NALCN: variants seen among roughly 807,000 people sequenced by gnomAD.
NALCN encodes sodium leak channel NALCN.
In NALCN, 111 loss-of-function variants were observed where a neutral mutation model predicts 225.3. The ratio of observed to expected loss-of-function variants is 0.49; its 90% CI spans 0.42 to 0.58. The LOEUF is 0.58. Among genes scored for constraint, NALCN ranks in the 20% least tolerant of loss-of-function variants. NALCN has a pLI of 0.00. For missense variants in NALCN, 1,378 were observed against 2,202.4 expected (o/e 0.63, Z 7.49); for synonymous variants, 764 against 769.0 (o/e 0.99, Z 0.11).
chr13:101,282,333 A>G (rs764568720), intron 10 of NALCN, among the ~76,000 whole-genome samples: 58 of 152,148 alleles, frequency 3.8e-4, no homozygotes, highest in Non-Finnish European at 7.1e-4. Flanking sequence ...CATAATAAAG[A>G]AAAAAATCCT....
Position 101,341,194 on chromosome 13 carries a change from C to T in NALCN, c.799+4072G>A, listed in dbSNP as rs1181597541. ...GCTTTGTTCTTAAAACAAATAGATA[C>T]TAGAGACTAGCTCATGATAAGAAAT... On this transcript the variant is annotated intron_variant, in intron 7 of 43. Coordinates refer to ENST00000251127, the MANE Select transcript of NALCN (RefSeq NM_052867.4). 2.6e-5 allele frequency among the ~76,000 whole-genome samples: 4 copies of T among 152,220 alleles called. No individual in the cohort carries two copies. The East Asian group carries it at 7.7e-4, about 29-fold the overall frequency.
At chr13:101,149,394 C>T (rs2037525330) in intron 15 of NALCN, among the ~76,000 whole-genome samples, 1 of 152,106 alleles carries the variant, frequency 6.6e-6, no homozygotes, top group Admixed American at 6.5e-5. Context: ...AGGATACCAA[C>T]AGTCACCTTG....
At chr13:101,257,209 G>GTTTTTT (rs34334262) in intron 11 of NALCN, among the ~76,000 whole-genome samples, 66 of 121,038 alleles carry the variant, frequency 5.5e-4, no homozygotes, top group East Asian at 9.9e-4. Flanking sequence ...ATTGTTTATT[G>GTTTTTT]TTTTTTTTTT....
chr13:101,183,595 G>T (rs2039329407), intron 14 of NALCN, among the ~76,000 whole-genome samples: 1 of 152,032 alleles, frequency 6.6e-6, no homozygotes, highest in Admixed American at 6.6e-5. Context: ...AAGTAGCTGG[G>T]ATTTTAGGTG....
At chr13:101,278,522 CAAAAAAAAA>C (rs3061766) in intron 10 of NALCN, among the ~76,000 whole-genome samples, 1 of 87,476 alleles carries the variant, frequency 1.1e-5, no homozygotes, top group Non-Finnish European at 2.1e-5. Flanking sequence ...GACTCTGTCT[CAAAAAAAAA>C]AAAAAAAAAA....
chr13:101,115,524 A>T (rs977138983), intron 18 of NALCN, among the ~76,000 whole-genome samples: 2 of 152,226 alleles, frequency 1.3e-5, no homozygotes, highest in African/African-American at 4.8e-5. Flanking sequence ...TTTATATAAG[A>T]AATGAGATGC....
Position 101,089,991 on chromosome 13 carries a change from C to A in NALCN, c.3270-25G>T. The A allele has an allele frequency of 1.2e-6, 2 of 1,613,212 alleles. No individual in the cohort carries two copies. Among genetic ancestry groups the A allele is most frequent in the South Asian group, 1.1e-5 (1 of 90,908 alleles). ...CCTGCGATTCCAATACAGGAATGTTCTGTGAAATTCCAATAAGCAGCACCC... is the reference window on the plus strand; with the variant it reads ...CCTGCGATTCCAATACAGGAATGTTATGTGAAATTCCAATAAGCAGCACCC... On this transcript the variant is annotated intron_variant, in intron 28 of 43. Coordinates refer to ENST00000251127, the MANE Select transcript of NALCN (RefSeq NM_052867.4). The surrounding 1 kb of genome is among the most constrained non-coding windows in gnomAD (Gnocchi z 4.7).
chr13:101,281,211 G>A (rs145070455), intron 10 of NALCN, among the ~76,000 whole-genome samples: 44 of 152,100 alleles, frequency 2.9e-4, no homozygotes, highest in African/African-American at 8.7e-4. Flanking sequence ...CTCTCAAAGC[G>A]GACCCCAATT....
intron 7 of NALCN, among the ~76,000 whole-genome samples, chr13:101,297,344 A>C (rs1178831107): frequency 6.6e-6 from 1 of 152,244 alleles, no homozygotes; most frequent in South Asian, 2.1e-4. Flanking sequence ...AGACAGTGGA[A>C]TAAGAATGAG....
rs1251421311 is a variant in NALCN at position 101,059,741 on chromosome 13, C to T, written c.4905+77G>A. ...CACCTTGTTTGAATGATCTGACCAG[C>T]ACCCATTTTATTTATTTTTATTAAA... On this transcript the variant is annotated intron_variant, in intron 42 of 43. Transcript: ENST00000251127. The T allele has an allele frequency of 3.1e-5, 42 of 1,339,364 alleles. No individual in the cohort carries two copies. The East Asian group carries it at 8.2e-4, about 26-fold the overall frequency. 83.0% of individuals were successfully genotyped at this position (1,339,364 alleles called of 1,614,324 possible). A position where few individuals can be genotyped will look rare whatever the true frequency, so the allele number is the denominator to read the frequency against.
At position 101,242,683 on chromosome 13, in the gene NALCN, T is replaced by G. The variant is rs567213860; in HGVS notation, c.1267-4761A>C. Among the ~76,000 whole-genome samples the G allele has an allele frequency of 3.1e-4, 33 of 107,548 alleles. 13 individuals are homozygous for G. The Middle Eastern group carries it at 0.017, about 55-fold the overall frequency. 70.6% of individuals were successfully genotyped at this position (107,548 alleles called of 152,430 possible). A position where few individuals can be genotyped will look rare whatever the true frequency, so the allele number is the denominator to read the frequency against. On this transcript the variant is annotated intron_variant, in intron 11 of 43. Transcript: ENST00000251127. ...ATCAATTCTCTCTTCTTTTGTCTAGTCATTGAGATTGCAATTTACTTATCT... is the reference window on the plus strand; with the variant it reads ...ATCAATTCTCTCTTCTTTTGTCTAGGCATTGAGATTGCAATTTACTTATCT...
chr13:101,252,582 G>C (rs1337939649), intron 11 of NALCN, among the ~76,000 whole-genome samples: 2 of 152,126 alleles, frequency 1.3e-5, no homozygotes, highest in African/African-American at 4.8e-5. Context: ...CTGGGTAGGA[G>C]GGATAGACAG....
chr13:101,342,180 A>G (rs1046055380), intron 7 of NALCN, among the ~76,000 whole-genome samples: 11 of 152,146 alleles, frequency 7.2e-5, no homozygotes, highest in African/African-American at 1.9e-4. Context: ...CTTTAGTCCA[A>G]TGGTTCATAA....
intron 17 of NALCN, among the ~76,000 whole-genome samples, chr13:101,135,088 A>T (rs187329432): frequency 2.6e-5 from 4 of 151,956 alleles, no homozygotes; most frequent in African/African-American, 9.7e-5. Context: ...CCAGCTACTC[A>T]GGAGGCTGAG....
At chr13:101,207,094 T>C (rs2040342708) in intron 13 of NALCN, among the ~76,000 whole-genome samples, 1 of 152,178 alleles carries the variant, frequency 6.6e-6, no homozygotes, top group Admixed American at 6.5e-5. Context: ...GCATCTCAGG[T>C]TACTTTCTTA....
intron 18 of NALCN, among the ~76,000 whole-genome samples, chr13:101,115,181 CTTAATT>C (rs1255186874): frequency 3.3e-5 from 5 of 151,962 alleles, no homozygotes; most frequent in Non-Finnish European, 5.9e-5. Flanking sequence ...GTTAAATAAT[CTTAATT>C]TTATCTCAAG....
At chr13:101,233,533 G>A (rs2041434060) in intron 12 of NALCN, among the ~76,000 whole-genome samples, 2 of 151,864 alleles carry the variant, frequency 1.3e-5, no homozygotes, top group Non-Finnish European at 2.9e-5. Flanking sequence ...GTAGAGACGG[G>A]GTTTCACCAT....
rs1321022575 is a variant in NALCN at position 101,241,943 on chromosome 13, T to A, written c.1267-4021A>T. The stretch of plus-strand genomic sequence containing the variant: ...TTCTGGTCACAAGGATTTGCAAATG[T>A]CCTCAGGGCAGCCACTGCCTTGGGG... On this transcript the variant is annotated intron_variant, in intron 11 of 43. Transcript: ENST00000251127. Among the ~76,000 whole-genome samples the A allele has an allele frequency of 1.9e-5, 2 of 105,832 alleles. 1 individual carries two copies. Among genetic ancestry groups the A allele is most frequent in the African/African-American group, 6.8e-5 (2 of 29,446 alleles). The allele number at this position is 105,832 out of a possible 152,430, so 69.4% of individuals were successfully genotyped here.
chr13:101,378,923 T>C (rs1437048409), intron 3 of NALCN, among the ~76,000 whole-genome samples: 6 of 152,044 alleles, frequency 3.9e-5, no homozygotes, highest in Admixed American at 1.3e-4. Context: ...GCCACACAAA[T>C]TCTAACACTT....
Sources: gnomAD v4.1 joint callset for allele counts (sites outside exome capture counted in the v4.1 genomes callset) on GRCh38, gnomAD v4.1.1 for gene constraint, Gnocchi (gnomAD v3.1) non-coding constraint, MANE v1.5 for transcripts, NCBI Gene and HGNC (gene_info 2026-07-23, HGNC 2026-07-21) for gene names.